The following FBLIM1 variants were observed in gnomAD, a reference collection of about 807,000 sequenced individuals.
FBLIM1 encodes the protein filamin-binding LIM protein 1.
Under a neutral mutation model 37.4 loss-of-function variants are expected in FBLIM1, and 29 were observed. That is an observed-to-expected ratio of 0.77 (90% CI 0.58 to 1.06). The LOEUF (loss-of-function observed/expected upper bound fraction) is 1.06, where lower values mean the gene tolerates loss of function less well. FBLIM1 is among the 50% of genes least tolerant of loss of function. The pLI, the probability that FBLIM1 is intolerant of heterozygous loss-of-function variation, is 0.00. For synonymous variants in FBLIM1, 193 were observed against 199.0 expected, an observed-to-expected ratio of 0.97 and a Z score of 0.25; for missense variants, 449 against 505.6, an observed-to-expected ratio of 0.89 and a Z score of 1.07.
chr1:15,772,693 C>T (rs1011573909), intron 6 of FBLIM1, among the ~76,000 whole-genome samples: 2 of 152,114 alleles, frequency 1.3e-5, no homozygotes, highest in African/African-American at 4.8e-5. Flanking sequence ...GTGGCTCACA[C>T]CTGCAATCTC....
Position 15,767,529 on chromosome 1 carries a change from A to G in FBLIM1, c.404A>G (p.Gln135Arg). 1 of 1,449,038 alleles carries G rather than the reference A, an allele frequency of 6.9e-7. No homozygotes were observed. Among genetic ancestry groups the G allele is most frequent in the Non-Finnish European group, 9.1e-7 (1 of 1,096,600 alleles). The allele number at this position is 1,449,038 out of a possible 1,614,324, so 89.8% of individuals were successfully genotyped here. A position where few individuals can be genotyped will look rare whatever the true frequency, so the allele number is the denominator to read the frequency against. ...GCCTCACTCATTGCAGACTTAGAGC[A>G]GCTGCACCTGTCCCCGCCCCCGCCC... ...MGASLIADLE[Q>R]LHLSPPPPPP... Residue 135 changes from glutamine (Q) to arginine (R), a missense_variant, in exon 4 of 9, where the codon CAG (glutamine) becomes CGG (arginine). Physicochemically the swap from Gln to Arg is conservative, Grantham distance 43. Transcript: ENST00000375766.
At chr1:15,770,323 C>T (rs978272495) in intron 5 of FBLIM1, 86 bp from the exon 6 acceptor site, 83 of 1,429,866 alleles carry the variant, frequency 5.8e-5, no homozygotes, top group South Asian at 1.4e-4. Context: ...GACAGAGCCT[C>T]GGGTATCCTG....
intron 8 of FBLIM1, among the ~76,000 whole-genome samples, chr1:15,778,596 G>A (rs1456424871): frequency 6.6e-6 from 1 of 151,732 alleles, no homozygotes; most frequent in Non-Finnish European, 1.5e-5. Flanking sequence ...AAAAATCCAC[G>A]GTAACACGAG....
intron 1 of FBLIM1, among the ~76,000 whole-genome samples, 193 bp downstream of exon 1, chr1:15,759,041 C>A (rs1329085841): frequency 6.6e-6 from 1 of 152,070 alleles, no homozygotes; most frequent in Non-Finnish European, 1.5e-5. Flanking sequence ...CTTGGTCTCT[C>A]TCCCCGGAGT....
intron 6 of FBLIM1, among the ~76,000 whole-genome samples, chr1:15,772,404 G>A (rs2069262716): frequency 6.6e-6 from 1 of 152,144 alleles, no homozygotes; most frequent in African/African-American, 2.4e-5. Flanking sequence ...GAAGCAGGAA[G>A]CAGCCAGGAG....
chr1:15,762,546 C>T (rs906770322), intron 1 of FBLIM1, among the ~76,000 whole-genome samples: 1 of 152,126 alleles, frequency 6.6e-6, no homozygotes, highest in Non-Finnish European at 1.5e-5. Context: ...CAGGCATAAG[C>T]CTCCACGCCA....
At position 15,774,771 on chromosome 1, in the gene FBLIM1, G is replaced by T. The variant is rs145132404; in HGVS notation, c.865G>T (p.Val289Leu). Reference sequence around the variant, plus strand: ...CTTTGCCCTGGGCAGCCAGAACGAGGTGTACTGCCTGGACGACTTCTACAG... The same window carrying T: ...CTTTGCCCTGGGCAGCCAGAACGAGTTGTACTGCCTGGACGACTTCTACAG... ...ESFALGSQNEVYCLDDFYRKF... is the reference protein window; with the variant it reads ...ESFALGSQNELYCLDDFYRKF... Residue 289 changes from valine to leucine, a missense_variant, in exon 7 of 9, where the codon GTG becomes TTG. Val to Leu is a conservative substitution (Grantham distance 32, BLOSUM62 1). Coordinates refer to ENST00000375766, the MANE Select transcript of FBLIM1 (RefSeq NM_017556.4). The T allele has an allele frequency of 1.2e-5, 20 of 1,614,048 alleles. No individual in the cohort carries two copies. The highest frequency in any genetic ancestry group is 2.7e-5 in the African/African-American group (2 of 74,916).
rs1307501984 is a variant in FBLIM1 at position 15,784,564 on chromosome 1, T to C, written c.1025T>C (p.Leu342Pro). 3 of 1,613,936 alleles carry C rather than the reference T, an allele frequency of 1.9e-6. No homozygotes were observed. Among genetic ancestry groups the C allele is most frequent in the Admixed American group, 3.3e-5 (2 of 60,004 alleles). ...TCTCCCCAGGACTGCAGGATCCTCCTGTCTGTCGAGCCCACGGACCAAGGC... is the reference window on the plus strand; with the variant it reads ...TCTCCCCAGGACTGCAGGATCCTCCCGTCTGTCGAGCCCACGGACCAAGGC... ...CYRCEDCRILLSVEPTDQGCY... is the reference protein window; with the variant it reads ...CYRCEDCRILPSVEPTDQGCY... Residue 342 changes from leucine (L) to proline (P), a missense_variant, in exon 9 of 9, where the codon CTG becomes CCG. Leu to Pro is a moderately conservative substitution (Grantham distance 98). Transcript: ENST00000375766.
intron 2 of FBLIM1, 117 bp from the exon 3 acceptor site, chr1:15,764,847 T>G: frequency 1.1e-5 from 13 of 1,231,208 alleles, no homozygotes; most frequent in Non-Finnish European, 1.5e-5. Context: ...GACTGAGTTG[T>G]TGAGATGGTA....
At position 15,784,534 on chromosome 1, in the gene FBLIM1, CTT is replaced by C. The variant is rs760021467; in HGVS notation, c.1009-12_1009-11del. ...AGGCCCAGGGCGGGTCAGCATGTGT[CTT>C]TGTCTCCCCAGGACTGCAGGATCCT... On this transcript the variant is annotated splice_polypyrimidine_tract_variant and intron_variant, in intron 8 of 8. Transcript: ENST00000375766. 6.2e-7 allele frequency: 1 copy of C among 1,611,092 alleles called. No homozygotes were observed. The highest frequency in any genetic ancestry group is 1.3e-5 in the African/African-American group (1 of 74,854).
chr1:15,776,413 G>C (rs1456054359), intron 7 of FBLIM1, among the ~76,000 whole-genome samples: 1 of 152,170 alleles, frequency 6.6e-6, no homozygotes, highest in Non-Finnish European at 1.5e-5. Context: ...ACATCCCCAA[G>C]GACCTGACTT....
chr1:15,761,505 G>A (rs1434669218), intron 1 of FBLIM1, among the ~76,000 whole-genome samples: 1 of 152,160 alleles, frequency 6.6e-6, no homozygotes, highest in Non-Finnish European at 1.5e-5. Context: ...TTATCAGCAA[G>A]TCGTTTGGTA....
intron 8 of FBLIM1, among the ~76,000 whole-genome samples, chr1:15,781,637 C>G (rs369384559): frequency 1.5e-4 from 22 of 151,692 alleles, no homozygotes; most frequent in Non-Finnish European, 2.8e-4. Flanking sequence ...CCACATCTCA[C>G]CATTTCTACT....
chr1:15,767,454 C>A lies in FBLIM1; in HGVS notation c.329C>A (p.Pro110His). 2 of 1,575,302 alleles carry A rather than the reference C, an allele frequency of 1.3e-6. No homozygotes were observed. Among genetic ancestry groups the A allele is most frequent in the Non-Finnish European group, 8.6e-7 (1 of 1,159,826 alleles). ...GACCTCCTCCCACCCCCTCCACCGC[C>A]CCCTCCAGTGCTTCTGCCTTCTGAA... ...DLDLLPPPPP[P>H]PPVLLPSEEE... The change falls in exon 4 of 9, where the codon CCC becomes CAC. Residue 110 changes from proline (P) to histidine (H), a missense_variant. Transcript: ENST00000375766.
intron 3 of FBLIM1, among the ~76,000 whole-genome samples, chr1:15,766,891 CTTT>C (rs36087502): frequency 2.3e-5 from 3 of 133,200 alleles, no homozygotes; most frequent in Admixed American, 7.9e-5. Context: ...CTGCACCCGG[CTTT>C]TTTTTTTTTT....
intron 7 of FBLIM1, among the ~76,000 whole-genome samples, chr1:15,776,627 G>A (rs2069496521): frequency 6.6e-6 from 1 of 152,138 alleles, no homozygotes; most frequent in South Asian, 2.1e-4. Flanking sequence ...CACTTTGGGA[G>A]GCCAAGGTGG....
At chr1:15,760,004 A>T (rs570787833) in intron 1 of FBLIM1, among the ~76,000 whole-genome samples, 500 of 152,106 alleles carry the variant, frequency 3.3e-3, no homozygotes, top group Middle Eastern at 0.014. Context: ...CGGGCGGATT[A>T]CCTGAAGTCA....
rs1444732960 is a variant in FBLIM1, at chr1:15,785,616, C to CA, written c.*956dup. On this transcript the variant is annotated 3_prime_UTR_variant, in exon 9 of 9. Transcript: ENST00000375766. ...CACCACTGCACTCCAGCCTGGGAGA[C>CA]ACAGCGAGACTCTGTCTCCAAAAAA... 3.3e-5 allele frequency: 5 copies of CA among 152,032 alleles called. No individual in the cohort carries two copies. The highest frequency in any genetic ancestry group is 1.2e-4 in the African/African-American group (5 of 41,386). 9.4% of individuals were successfully genotyped at this position (152,032 alleles called of 1,614,324 possible). A position where few individuals can be genotyped will look rare whatever the true frequency, so the allele number is the denominator to read the frequency against.
chr1:15,777,086 C>A, intron 7 of FBLIM1, 84 bp from the exon 8 acceptor site: 1 of 1,118,196 alleles, frequency 8.9e-7, no homozygotes, highest in Non-Finnish European at 1.3e-6. Flanking sequence ...GAGGTGAACA[C>A]CAGCCAGCCC....
Sources: allele counts gnomAD v4.1 joint callset (sites outside exome capture counted in the v4.1 genomes callset), GRCh38; gene constraint gnomAD v4.1.1; transcripts MANE v1.5; gene names NCBI Gene and HGNC (gene_info 2026-07-23, HGNC 2026-07-21).